The following RNF111 variants were observed in gnomAD, a reference collection of about 807,000 sequenced individuals.
The protein encoded by RNF111 is E3 ubiquitin-protein ligase Arkadia.
A neutral mutation model predicts 95.1 loss-of-function variants in RNF111; 17 were observed. The ratio of observed to expected loss-of-function variants is 0.18; its 90% CI spans 0.12 to 0.27. The LOEUF is 0.27. RNF111 is among the 10% of genes least tolerant of loss of function. The pLI, the probability that RNF111 is intolerant of heterozygous loss-of-function variation, is 1.00. For synonymous variants in RNF111, 440 were observed against 414.8 expected (o/e 1.06, Z -0.74); for missense variants, 1,189 against 1,210.4 (o/e 0.98, Z 0.26).
chr15:59,014,952 A>G (rs183375887), intron 1 of RNF111, among the ~76,000 whole-genome samples: 90 of 152,140 alleles, frequency 5.9e-4, no homozygotes, highest in Non-Finnish European at 1.1e-3. Context: ...GAGTTTCACC[A>G]TGTTGTCCAG....
At position 59,052,569 on chromosome 15, in the gene RNF111, A is replaced by ATTT. The variant is rs768761060; in HGVS notation, c.1007+158_1007+160dup. On this transcript the variant is annotated intron_variant, in intron 3 of 13. Coordinates refer to ENST00000348370, the MANE Select transcript of RNF111 (RefSeq NM_017610.8). ...GAGTATGCATATATCAGATTAGTGG[A>ATTT]TTTTTTTTTTTTTTTTTTTTTTGGT... 233 of 249,032 alleles carry ATTT rather than the reference A, an allele frequency of 9.4e-4. 2 individuals carry two copies. The highest frequency in any genetic ancestry group is 2.9e-3 in the African/African-American group (94 of 32,782). The allele number at this position is 249,032 out of a possible 1,614,324, so 15.4% of individuals were successfully genotyped here.
At position 59,092,637 on chromosome 15, in the gene RNF111, T is replaced by C; in HGVS notation, c.2840T>C (p.Val947Ala). Residue 947 changes from valine (V) to alanine (A), a missense_variant, in exon 13 of 14, where the codon GTG (valine) becomes GCG (alanine). Val to Ala is a moderately conservative substitution (Grantham distance 64, BLOSUM62 0). Around this residue, in one of 2 missense-constraint regions of RNF111, gnomAD observed 165 missense variants for 284.6 expected, o/e 0.58. Transcript: ENST00000348370. The part of the protein sequence containing the change: ...CLSILEEGED[V>A]RRLPCMHLFH... ...TCTATTTTAGAGGAAGGTGAAGATG[T>C]GAGGTAACTAGATATTAATTATCTA... is the stretch of plus-strand genomic sequence containing the variant. The C allele has an allele frequency of 6.2e-7, 1 of 1,607,518 alleles. No homozygotes were observed. The highest frequency in any genetic ancestry group is 8.5e-7 in the Non-Finnish European group (1 of 1,176,222).
intron 1 of RNF111, among the ~76,000 whole-genome samples, chr15:59,017,443 G>C (rs1418271309): frequency 5.9e-5 from 9 of 152,132 alleles, no homozygotes; most frequent in African/African-American, 2.2e-4. Context: ...ACATTTACCT[G>C]TTACAGATTG....
At chr15:59,043,154 G>A (rs142809582) in intron 2 of RNF111, among the ~76,000 whole-genome samples, 219 of 150,178 alleles carry the variant, frequency 1.5e-3, no homozygotes, top group African/African-American at 5.3e-3. Flanking sequence ...GTACAATTTA[G>A]TAATTTTTTT....
At chr15:59,037,029 G>T (rs1272065858) in intron 2 of RNF111, among the ~76,000 whole-genome samples, 1 of 151,396 alleles carries the variant, frequency 6.6e-6, no homozygotes, top group Non-Finnish European at 1.5e-5. Context: ...TAGAGACAGG[G>T]TTTTGTCATG....
intron 1 of RNF111, among the ~76,000 whole-genome samples, chr15:58,996,058 A>G (rs1346110299): frequency 6.6e-6 from 1 of 152,048 alleles, no homozygotes; most frequent in Admixed American, 6.6e-5. Context: ...TCAGCAACTT[A>G]TTGTCATAAA....
intron 10 of RNF111, among the ~76,000 whole-genome samples, chr15:59,087,415 C>A (rs34395806): frequency 0.082 from 12,431 of 152,096 alleles, 682 homozygotes; most frequent in East Asian, 0.24. Context: ...TCCTCACAGT[C>A]GAAAATCAGA....
chr15:59,072,570 C>T (rs1232358603), intron 6 of RNF111, among the ~76,000 whole-genome samples: 1 of 150,758 alleles, frequency 6.6e-6, no homozygotes, highest in Non-Finnish European at 1.5e-5. Flanking sequence ...TCTGCCTCAG[C>T]CTCCCAAGTA....
intron 6 of RNF111, among the ~76,000 whole-genome samples, chr15:59,074,934 G>T (rs575672214): frequency 6.6e-6 from 1 of 152,180 alleles, no homozygotes; most frequent in Non-Finnish European, 1.5e-5. Context: ...CAATGTTGTT[G>T]TGTCTCAGGG....
At chr15:59,063,811 T>C (rs1465659629) in intron 5 of RNF111, among the ~76,000 whole-genome samples, 1 of 152,220 alleles carries the variant, frequency 6.6e-6, no homozygotes, top group Admixed American at 6.5e-5. Flanking sequence ...AGAGTCAACG[T>C]AATCCTCAAA....
chr15:59,022,849 T>C (rs573808682), intron 1 of RNF111, among the ~76,000 whole-genome samples: 12 of 152,216 alleles, frequency 7.9e-5, no homozygotes, highest in Non-Finnish European at 1.5e-4. Context: ...GGTTTTACTT[T>C]GGATCTGAGA....
intron 1 of RNF111, among the ~76,000 whole-genome samples, chr15:59,016,614 T>A (rs1321356631): frequency 2.0e-5 from 3 of 152,182 alleles, no homozygotes; most frequent in Non-Finnish European, 4.4e-5. Context: ...ATAATTTTGT[T>A]CTACCCTACC....
In RNF111 at chr15:59,076,149, C is replaced by G. The variant is rs1294855243; in HGVS notation, c.1882C>G (p.Gln628Glu). The change falls in exon 7 of 14, where the codon CAG becomes GAG. Residue 628 changes from glutamine (Q) to glutamate (E), a missense_variant. By Grantham distance (29) the Gln-to-Glu change is conservative. Transcript: ENST00000348370. Reference sequence around the variant, plus strand: ...TGGCTATGGATCAAGCATGGTTGCGCAGCCCCAGCCCCAGCCCCCTCCACA... The same window carrying G: ...TGGCTATGGATCAAGCATGGTTGCGGAGCCCCAGCCCCAGCCCCCTCCACA... ...IDGYGSSMVA[Q>E]PQPQPPPQPS... is the part of the protein sequence containing the mutation. The G allele has an allele frequency of 1.9e-6, 3 of 1,613,730 alleles. No homozygotes were observed. The highest frequency in any genetic ancestry group is 2.5e-6 in the Non-Finnish European group (3 of 1,180,000).
At chr15:59,020,702 T>G (rs2040297140) in intron 1 of RNF111, among the ~76,000 whole-genome samples, 1 of 152,170 alleles carries the variant, frequency 6.6e-6, no homozygotes, top group Non-Finnish European at 1.5e-5. Context: ...GAGAGAGGTT[T>G]AACTTATCTG....
intron 8 of RNF111, among the ~76,000 whole-genome samples, chr15:59,081,953 G>A (rs1438352002): frequency 6.6e-6 from 1 of 152,082 alleles, no homozygotes; most frequent in Non-Finnish European, 1.5e-5. Flanking sequence ...TGAGCCCAGG[G>A]GGTCAAGGCT....
rs147220877 is a variant in RNF111, at chr15:59,075,336, C to A, written c.1687-618C>A. On this transcript the variant is annotated intron_variant, in intron 6 of 13. Coordinates refer to ENST00000348370, the MANE Select transcript of RNF111 (RefSeq NM_017610.8). ...AATATGCCTATAAAAGGAAGCAGTG[C>A]TTTAACTTTTTTTATTCTTATGTTT... is the stretch of plus-strand genomic sequence containing the variant. Among the ~76,000 whole-genome samples, 234 of 152,270 alleles carry A rather than the reference C, an allele frequency of 1.5e-3. 1 individual carries two copies. The highest frequency in any genetic ancestry group is 2.8e-3 in the Non-Finnish European group (192 of 68,016).
chr15:59,014,968 T>G (rs186631085), intron 1 of RNF111, among the ~76,000 whole-genome samples: 2 of 152,282 alleles, frequency 1.3e-5, no homozygotes, highest in East Asian at 3.9e-4. Flanking sequence ...TCCAGGCTGG[T>G]CTTGTCCTGG....
At chr15:59,064,133 A>G (rs8040788) in intron 5 of RNF111, among the ~76,000 whole-genome samples, 151 of 152,354 alleles carry the variant, frequency 9.9e-4, no homozygotes, top group African/African-American at 3.5e-3. Context: ...AGTTCCTGAT[A>G]TGCTAGTTTT....
Position 58,987,920 on chromosome 15 carries a change from T to C in RNF111, c.-168T>C, listed in dbSNP as rs55671218. ...GTTTTGGTGGCGGTGACAGACACTG[T>C]TCTTGACTCTAGGGGCCTATTAGGC... On this transcript the variant is annotated 5_prime_UTR_variant, in exon 1 of 14. Coordinates refer to ENST00000348370, the MANE Select transcript of RNF111 (RefSeq NM_017610.8). The C allele has an allele frequency of 0.41, 63,184 of 152,906 alleles. 16,001 individuals carry two copies. The highest frequency in any genetic ancestry group is 0.72 in the African/African-American group (30,069 of 41,512). The allele number at this position is 152,906 out of a possible 1,614,324, so 9.5% of individuals were successfully genotyped here.
Sources: gnomAD v4.1 joint callset for allele counts (sites outside exome capture counted in the v4.1 genomes callset) on GRCh38, gnomAD v4.1.1 for gene constraint, gnomAD v4.1.1 regional missense constraint, MANE v1.5 for transcripts, NCBI Gene and HGNC (gene_info 2026-07-23, HGNC 2026-07-21) for gene names.